Variants in NAALADL2 observed in about 807,000 individuals in gnomAD.
The protein encoded by NAALADL2 is N-acetylated alpha-linked acidic dipeptidase like 2, also known as inactive N-acetylated-alpha-linked acidic dipeptidase-like protein 2.
Under a neutral mutation model 87.2 loss-of-function variants are expected in NAALADL2, and 76 were observed. The observed-to-expected ratio is 0.87, with a 90% CI of 0.72 to 1.05. The LOEUF is 1.05. Ranked by LOEUF, NAALADL2 falls within the 50% of genes least tolerant of loss-of-function variation. The pLI, the probability that NAALADL2 is intolerant of heterozygous loss-of-function variation, is 0.00. For synonymous variants in NAALADL2, 354 were observed against 331.0 expected (o/e 1.07, Z -0.75); for missense variants, 1,089 against 945.8 (o/e 1.15, Z -1.99).
chr3:175,415,286 T>A (rs2862016), intron 5 of NAALADL2, among the ~76,000 whole-genome samples: 3 of 151,686 alleles, frequency 2.0e-5, no homozygotes, highest in African/African-American at 4.8e-5. Context: ...GATGAGCTTT[T>A]AAAAAAAAAT....
intron 1 of NAALADL2, among the ~76,000 whole-genome samples, chr3:175,032,484 T>C (rs186532966): frequency 6.6e-6 from 1 of 152,170 alleles, no homozygotes; most frequent in East Asian, 1.9e-4. Flanking sequence ...AATCCTCATT[T>C]CCACATTAAA....
intron 2 of NAALADL2, among the ~76,000 whole-genome samples, chr3:175,099,836 C>A (rs546152820): frequency 6.6e-6 from 1 of 151,878 alleles, no homozygotes; most frequent in Admixed American, 6.6e-5. Flanking sequence ...CTTGTTTGTC[C>A]ACCATTAAAG....
intron 10 of NAALADL2, among the ~76,000 whole-genome samples, chr3:175,601,761 A>G (rs1723006801): frequency 6.6e-6 from 1 of 152,188 alleles, no homozygotes; most frequent in Admixed American, 6.5e-5. Context: ...TATCTTTCAT[A>G]AACGCCAAAT....
At chr3:174,495,124 A>C (rs1341229372) in intron 1 of NAALADL2, among the ~76,000 whole-genome samples, 1 of 152,180 alleles carries the variant, frequency 6.6e-6, no homozygotes, top group African/African-American at 2.4e-5. Context: ...AATAACAGCA[A>C]CACTGAGAGA....
intron 1 of NAALADL2, among the ~76,000 whole-genome samples, chr3:174,475,856 A>G (rs1717178778): frequency 6.6e-6 from 1 of 151,948 alleles, no homozygotes; most frequent in Admixed American, 6.6e-5. Flanking sequence ...GGGGATATTA[A>G]GAAAAAAAAT....
intron 2 of NAALADL2, among the ~76,000 whole-genome samples, chr3:175,220,414 C>A (rs1379494511): frequency 6.6e-6 from 1 of 151,562 alleles, no homozygotes; most frequent in African/African-American, 2.4e-5. Context: ...TTTAGATTTT[C>A]TTTTGTGACA....
chr3:174,906,753 T>A (rs1485963895), intron 1 of NAALADL2, among the ~76,000 whole-genome samples: 1 of 152,110 alleles, frequency 6.6e-6, no homozygotes, highest in Non-Finnish European at 1.5e-5. Flanking sequence ...AACCCCCAAT[T>A]TCTAACCAAC....
intron 2 of NAALADL2, among the ~76,000 whole-genome samples, chr3:174,633,216 T>G (rs1463858612): frequency 1.3e-5 from 2 of 152,096 alleles, no homozygotes; most frequent in Non-Finnish European, 2.9e-5. Context: ...TTCAGGAAGA[T>G]AATTTGCTTG....
At chr3:174,834,715 A>C (rs1029013311) in intron 3 of NAALADL2, among the ~76,000 whole-genome samples, 15 of 151,924 alleles carry the variant, frequency 9.9e-5, no homozygotes, top group African/African-American at 3.6e-4. Flanking sequence ...CAGTCATAGA[A>C]TGCTTTAAGA....
chr3:174,891,683 A>C (rs546996784), intron 1 of NAALADL2, among the ~76,000 whole-genome samples: 1 of 152,098 alleles, frequency 6.6e-6, no homozygotes, highest in Non-Finnish European at 1.5e-5. Flanking sequence ...CTTAGGTCCA[A>C]AGTGCTCTTG....
intron 11 of NAALADL2, among the ~76,000 whole-genome samples, chr3:175,686,701 A>C (rs997346410): frequency 2.0e-5 from 3 of 152,218 alleles, no homozygotes; most frequent in African/African-American, 7.2e-5. Context: ...AGATTTATAT[A>C]ACAAATGGTT....
chr3:175,558,315 A>G (rs1372041884), intron 9 of NAALADL2, among the ~76,000 whole-genome samples: 4 of 151,498 alleles, frequency 2.6e-5, no homozygotes, highest in Non-Finnish European at 5.9e-5. Flanking sequence ...AGCTCTGTAT[A>G]TATTCTGGTT....
intron 11 of NAALADL2, among the ~76,000 whole-genome samples, chr3:175,677,146 C>T (rs554298416): frequency 6.6e-6 from 1 of 152,054 alleles, no homozygotes; most frequent in South Asian, 2.1e-4. Flanking sequence ...GGGCAGATCA[C>T]GAGGTCAGGA....
intron 1 of NAALADL2, among the ~76,000 whole-genome samples, chr3:174,893,805 A>G (rs1187672193): frequency 6.6e-6 from 1 of 152,168 alleles, no homozygotes; most frequent in African/African-American, 2.4e-5. Flanking sequence ...GAAAGAGGAA[A>G]GAGAAGACCA....
At chr3:174,604,648 T>C (rs1718805432) in intron 2 of NAALADL2, among the ~76,000 whole-genome samples, 1 of 150,184 alleles carries the variant, frequency 6.7e-6, no homozygotes, top group South Asian at 2.1e-4. Flanking sequence ...GTGTATGTGG[T>C]GTTCTCTTCT....
At position 174,763,304 on chromosome 3, in the gene NAALADL2, G is replaced by C. The variant is rs575504473; in HGVS notation, c.-9+25558G>C. Among the ~76,000 whole-genome samples, 692 of 151,912 alleles carry C rather than the reference G, an allele frequency of 4.6e-3. 8 individuals carry two copies. Among genetic ancestry groups the C allele is most frequent in the African/African-American group, 0.016 (671 of 41,456 alleles). ...AAGAAGATTATTCAGATACAAAAAT[G>C]TTGGCCGGGCGCAGTGGCTCATGCC... On this transcript the variant is annotated intron_variant, in intron 3 of 3. Transcript: ENST00000434257.
At chr3:175,696,409 G>T (rs1159755661) in intron 11 of NAALADL2, among the ~76,000 whole-genome samples, 2 of 152,106 alleles carry the variant, frequency 1.3e-5, no homozygotes, top group Non-Finnish European at 2.9e-5. Context: ...CCAGCTTGGG[G>T]GATCATTTGG....
chr3:175,535,608 G>T (rs371718830), intron 9 of NAALADL2, among the ~76,000 whole-genome samples: 5 of 152,164 alleles, frequency 3.3e-5, no homozygotes, highest in African/African-American at 1.2e-4. Flanking sequence ...CCATCCATTT[G>T]TTTTTGTGGG....
At chr3:175,573,555 TAAAAACAAAGAACAACAAC>T (rs964375085) in intron 9 of NAALADL2, among the ~76,000 whole-genome samples, 1 of 152,180 alleles carries the variant, frequency 6.6e-6, no homozygotes, top group Admixed American at 6.5e-5. Context: ...AAATTCAACT[TAAAAACAAAGAACAACAAC>T]AAAAACCTAG....
Sources: gnomAD v4.1 joint callset for allele counts (sites outside exome capture counted in the v4.1 genomes callset) on GRCh38, gnomAD v4.1.1 for gene constraint, MANE v1.5 for transcripts, NCBI Gene and HGNC (gene_info 2026-07-23, HGNC 2026-07-21) for gene names.